Variants in SAMMSON observed in about 807,000 individuals in gnomAD.
SAMMSON encodes the protein long intergenic non-protein coding RNA 1212.
chr3:70,366,390 T>G (rs376070914), intron 9 of SAMMSON, among the ~76,000 whole-genome samples: 8 of 151,836 alleles, frequency 5.3e-5, no homozygotes, highest in African/African-American at 1.9e-4. Context: ...ATTGGAATTA[T>G]GTAGTATATA....
At chr3:70,231,425 C>T (rs908953526) in intron 4 of SAMMSON, among the ~76,000 whole-genome samples, 3 of 152,198 alleles carry the variant, frequency 2.0e-5, no homozygotes, top group Non-Finnish European at 4.4e-5. Context: ...CCAGAGCTCC[C>T]GACGCCTTCC....
chr3:70,273,875 T>C (rs1246533372), intron 6 of SAMMSON, among the ~76,000 whole-genome samples: 1 of 152,158 alleles, frequency 6.6e-6, no homozygotes, highest in Non-Finnish European at 1.5e-5. Flanking sequence ...CAATCATGGC[T>C]CACTGAAGAC....
At chr3:70,265,456 A>G (rs894430056) in intron 6 of SAMMSON, among the ~76,000 whole-genome samples, 2 of 138,670 alleles carry the variant, frequency 1.4e-5, no homozygotes, top group Admixed American at 1.4e-4. Context: ...CCACCACCCC[A>G]ACCCACCCCA....
intron 4 of SAMMSON, among the ~76,000 whole-genome samples, chr3:70,197,960 T>C (rs1161190936): frequency 3.9e-5 from 6 of 152,220 alleles, no homozygotes; most frequent in African/African-American, 9.6e-5. Flanking sequence ...TGGTAATTTC[T>C]AGCCAAACAG....
At chr3:70,196,078 G>A (rs924811737) in intron 4 of SAMMSON, among the ~76,000 whole-genome samples, 1 of 152,132 alleles carries the variant, frequency 6.6e-6, no homozygotes, top group Non-Finnish European at 1.5e-5. Flanking sequence ...AAAATGAGCT[G>A]AATCTGTTTT....
At position 70,382,036 on chromosome 3, in the gene SAMMSON, A is replaced by T. The variant is rs564969371; in HGVS notation, n.914-7538A>T. Among the ~76,000 whole-genome samples the T allele has an allele frequency of 4.2e-4, 64 of 152,246 alleles. 1 individual carries two copies. In the South Asian group the frequency reaches 0.012, roughly 29 times the overall value. On this transcript the variant is annotated intron_variant and non_coding_transcript_variant, in intron 9 of 9. Transcript: ENST00000642114. ...GGGAAAATGTCTTCACTTTTTGGGA[A>T]TACATAGTGAATATTTAGAAATAAA...
chr3:70,100,498 T>C (rs1697087861), intron 4 of SAMMSON, among the ~76,000 whole-genome samples: 1 of 132,414 alleles, frequency 7.6e-6, no homozygotes, highest in Admixed American at 8.3e-5. Context: ...TCAAAGGCAG[T>C]TATCCACTTG....
At chr3:70,131,183 C>T (rs1195527361) in intron 4 of SAMMSON, among the ~76,000 whole-genome samples, 1 of 152,172 alleles carries the variant, frequency 6.6e-6, no homozygotes, top group East Asian at 1.9e-4. Flanking sequence ...GTCTGGTATT[C>T]TGAGTGGCTC....
chr3:70,113,344 T>C (rs1282821831), intron 4 of SAMMSON, among the ~76,000 whole-genome samples: 1 of 152,190 alleles, frequency 6.6e-6, no homozygotes, highest in African/African-American at 2.4e-5. Flanking sequence ...GCACATAGTT[T>C]TTAAAAGCCA....
chr3:70,379,502 G>A (rs1575637289), intron 9 of SAMMSON, among the ~76,000 whole-genome samples: 1 of 152,264 alleles, frequency 6.6e-6, no homozygotes, highest in East Asian at 1.9e-4. Context: ...GAAAGCCTGA[G>A]CAACAACTTT....
At chr3:70,104,083 G>A (rs2067356390) in intron 4 of SAMMSON, among the ~76,000 whole-genome samples, 1 of 151,430 alleles carries the variant, frequency 6.6e-6, no homozygotes, top group South Asian at 2.1e-4. Context: ...AAACCCAATG[G>A]TGTTCAAGTC....
At chr3:70,191,152 A>C (rs1701128982) in intron 4 of SAMMSON, among the ~76,000 whole-genome samples, 1 of 152,238 alleles carries the variant, frequency 6.6e-6, no homozygotes, top group Admixed American at 6.5e-5. Context: ...TGAAAGAGGA[A>C]ACAAAGAGGA....
intron 3 of SAMMSON, among the ~76,000 whole-genome samples, chr3:70,045,658 G>A (rs764007175): frequency 1.3e-5 from 2 of 151,970 alleles, no homozygotes; most frequent in African/African-American, 2.4e-5. Flanking sequence ...AAAGTGAAGC[G>A]ACTAGTGAAT....
At chr3:70,396,539 G>C (rs1232792218) in intron 2 of SAMMSON, among the ~76,000 whole-genome samples, 1 of 152,160 alleles carries the variant, frequency 6.6e-6, no homozygotes, top group African/African-American at 2.4e-5. Context: ...GGATACAGCA[G>C]TAAGTTAAAA....
chr3:70,046,178 C>CT, intron 3 of SAMMSON, among the ~76,000 whole-genome samples: 1 of 152,184 alleles, frequency 6.6e-6, no homozygotes, highest in East Asian at 1.9e-4. Flanking sequence ...AACTCCATGC[C>CT]TTTTTTTCTT....
intron 4 of SAMMSON, among the ~76,000 whole-genome samples, chr3:70,246,452 C>A (rs1285053082): frequency 6.6e-6 from 1 of 152,032 alleles, no homozygotes; most frequent in African/African-American, 2.4e-5. Flanking sequence ...ATAGAGTGAA[C>A]TCAAAGTGGG....
At position 70,169,645 on chromosome 3, in the gene SAMMSON, C is replaced by CTT. The variant is rs11384588; in HGVS notation, n.508-79450_508-79449dup. Reference sequence around the variant, plus strand: ...AGTTTAGAGAGGTCTTTTCTTTTTTCTTTTTTTTTTTTTCCTTCTCAAGAG... The same window carrying CTT: ...AGTTTAGAGAGGTCTTTTCTTTTTTCTTTTTTTTTTTTTTTCCTTCTCAAGAG... On this transcript the variant is annotated intron_variant and non_coding_transcript_variant, in intron 4 of 9. Transcript: ENST00000642114. Among the ~76,000 whole-genome samples the CTT allele has an allele frequency of 3.2e-3, 451 of 142,718 alleles. 3 individuals carry two copies. The highest frequency in any genetic ancestry group is 9.0e-3 in the South Asian group (41 of 4,580). The allele number at this position is 142,718 out of a possible 152,430, so 93.6% of individuals were successfully genotyped here.
intron 4 of SAMMSON, among the ~76,000 whole-genome samples, chr3:70,194,386 C>T (rs1355960891): frequency 2.0e-5 from 3 of 152,102 alleles, no homozygotes; most frequent in Non-Finnish European, 2.9e-5. Flanking sequence ...AATCAATAAC[C>T]ACATCCCTTT....
chr3:70,320,434 C>T (rs1702528528), intron 7 of SAMMSON, among the ~76,000 whole-genome samples: 1 of 152,030 alleles, frequency 6.6e-6, no homozygotes, highest in Non-Finnish European at 1.5e-5. Flanking sequence ...TTTCTACCAT[C>T]AGCAGAAATG....
Sources: allele counts gnomAD v4.1 joint callset (sites outside exome capture counted in the v4.1 genomes callset), GRCh38; gene constraint gnomAD v4.1.1; transcripts MANE v1.5; gene names NCBI Gene and HGNC (gene_info 2026-07-23, HGNC 2026-07-21).